HECTD4: variants seen among roughly 807,000 people sequenced by gnomAD.
HECTD4 encodes the protein HECT domain E3 ubiquitin protein ligase 4, also known as probable E3 ubiquitin-protein ligase HECTD4.
In HECTD4, 114 loss-of-function variants were observed where a neutral mutation model predicts 471.5. The observed-to-expected ratio is 0.24, with a 90% CI of 0.21 to 0.28. HECTD4 has a LOEUF of 0.28. Ranked by LOEUF, HECTD4 falls within the 10% of genes least tolerant of loss-of-function variation. The probability of loss-of-function intolerance (pLI) is 1.00; values close to 1 mark genes in which losing one functional copy is unlikely to be tolerated. For synonymous variants in HECTD4, 2,012 were observed against 2,256.0 expected, an observed-to-expected ratio of 0.89 and a Z score of 3.07; for missense variants, 3,866 against 5,651.5, an observed-to-expected ratio of 0.68 and a Z score of 10.13.
chr12:112,372,278 A>C (rs1321246918), intron 1 of HECTD4, among the ~76,000 whole-genome samples: 1 of 151,230 alleles, frequency 6.6e-6, no homozygotes, highest in African/African-American at 2.4e-5. Context: ...TTATTTTTTT[A>C]AGATGGAGTC....
intron 1 of HECTD4, among the ~76,000 whole-genome samples, chr12:112,352,207 A>T (rs1344848233): frequency 6.6e-6 from 1 of 152,186 alleles, no homozygotes; most frequent in Non-Finnish European, 1.5e-5. Context: ...ACATCAGAAG[A>T]ATATGAGTTA....
intron 60 of HECTD4, among the ~76,000 whole-genome samples, chr12:112,187,356 C>T (rs570001180): frequency 1.3e-5 from 2 of 152,204 alleles, no homozygotes; most frequent in South Asian, 2.1e-4. Flanking sequence ...ATTTTTGTGA[C>T]GGCAACTATT....
Position 112,163,187 on chromosome 12 carries a change from G to A in HECTD4, c.12975C>T (p.Phe4325=), listed in dbSNP as rs781352011. The A allele has an allele frequency of 1.7e-5, 28 of 1,613,852 alleles. No individual in the cohort carries two copies. The highest frequency in any genetic ancestry group is 2.3e-5 in the Non-Finnish European group (27 of 1,179,848). Residue 4325 remains phenylalanine, a synonymous_variant, in exon 75 of 76, where the codon TTC becomes TTT. Transcript: ENST00000682272. This position sits in a 1 kb window ranked among gnomAD's most constrained non-coding sequence, Gnocchi z 8.2. ...TGAACTTGCACAGCTCCTCCTGGGT[G>A]AACATCTCCAGGGCCCCCCAGAAGA... ...IEFFWGALEM[F]TQEELCKFIK... is the part of the protein sequence containing the mutation.
chr12:112,269,826 G>A lies in HECTD4; in HGVS notation c.2199C>T (p.Ser733=), dbSNP rs2034376474. 6.2e-7 allele frequency: 1 copy of A among 1,613,724 alleles called. No homozygotes were observed. The highest frequency in any genetic ancestry group is 8.5e-7 in the Non-Finnish European group (1 of 1,179,820). The change falls in exon 13 of 76, where the codon AGC becomes AGT. Residue 733 remains serine (S), a synonymous_variant. Coordinates refer to ENST00000682272, the MANE Select transcript of HECTD4 (RefSeq NM_001388303.1). ...TGTCTCGATTCCTTTCAGTTTGTGG[G>A]CTGAAGAAAAATTTAAATACCACCT... ...VFQVVFKFFF[S]PQTERNRDII...
intron 60 of HECTD4, among the ~76,000 whole-genome samples, chr12:112,186,662 CTTTTT>C (rs778779883): frequency 8.6e-6 from 1 of 116,644 alleles, no homozygotes; most frequent in Non-Finnish European, 1.8e-5. Context: ...TTTTAAGCTG[CTTTTT>C]TTTTTTTTTT....
At chr12:112,346,082 G>A (rs957174105) in intron 1 of HECTD4, among the ~76,000 whole-genome samples, 4 of 152,170 alleles carry the variant, frequency 2.6e-5, no homozygotes, top group African/African-American at 9.7e-5. Context: ...ACAGCATGAG[G>A]TAGCTAAGGA....
intron 7 of HECTD4, chr12:112,301,950 T>C (rs2035175372): frequency 2.3e-6 from 2 of 876,468 alleles, no homozygotes; most frequent in Non-Finnish European, 3.8e-6. Flanking sequence ...GGACCCAAGA[T>C]ATTGCCTCCC....
At chr12:112,279,012 T>C (rs2034582301) in intron 9 of HECTD4, among the ~76,000 whole-genome samples, 1 of 152,252 alleles carries the variant, frequency 6.6e-6, no homozygotes, top group South Asian at 2.1e-4. Flanking sequence ...ATTAATTTTA[T>C]AGGACAATAG....
Position 112,193,011 on chromosome 12 carries a change from AT to A in HECTD4, c.9086+49del. The A allele has an allele frequency of 6.2e-7, 1 of 1,603,154 alleles. No homozygotes were observed. The highest frequency in any genetic ancestry group is 8.5e-7 in the Non-Finnish European group (1 of 1,173,558). On this transcript the variant is annotated intron_variant, in intron 58 of 75. Coordinates refer to ENST00000682272, the MANE Select transcript of HECTD4 (RefSeq NM_001388303.1). The surrounding 1 kb of genome is among the most constrained non-coding windows in gnomAD (Gnocchi z 5.2). ...TCCTTGGCCAGTTTCACCAGAATTC[AT>A]TTAGCTTTCCTCTCCCCATCACCAT...
chr12:112,164,084 GC>G (rs761661183), intron 73 of HECTD4, 24 bp downstream of exon 73: 8 of 1,420,592 alleles, frequency 5.6e-6, no homozygotes, highest in Non-Finnish European at 4.6e-6. Flanking sequence ...GCCCCTGCCA[GC>G]CCCTGACACG....
At chr12:112,369,207 G>A (rs2036622325) in intron 1 of HECTD4, among the ~76,000 whole-genome samples, 1 of 152,198 alleles carries the variant, frequency 6.6e-6, no homozygotes, top group Non-Finnish European at 1.5e-5. Flanking sequence ...ATAAGAGCTG[G>A]ATGGCACTGA....
chr12:112,282,446 A>T (rs2135640925), intron 8 of HECTD4, among the ~76,000 whole-genome samples: 1 of 152,292 alleles, frequency 6.6e-6, no homozygotes, highest in African/African-American at 2.4e-5. Context: ...CAATGTATAT[A>T]GTATACTACC....
rs778274507 is a variant in HECTD4, at chr12:112,208,524, G to A, written c.7974C>T (p.Ser2658=). 1.8e-5 allele frequency: 29 copies of A among 1,602,002 alleles called. No homozygotes were observed. The highest frequency in any genetic ancestry group is 4.5e-5 in the South Asian group (4 of 88,854). Residue 2658 remains serine (S), a synonymous_variant, in exon 51 of 76, where the codon AGC becomes AGT. Coordinates refer to ENST00000682272, the MANE Select transcript of HECTD4 (RefSeq NM_001388303.1). The part of the protein sequence containing the change: ...PHPPPIADDE[S]DDDDDDDIPQ... ...GGATGTCATCATCGTCATCATCATC[G>A]CTTTCATCATCTGCAATGGGAGGCG... is the stretch of plus-strand genomic sequence containing the variant.
chr12:112,324,775 T>C (rs1463650699), intron 1 of HECTD4, among the ~76,000 whole-genome samples: 2 of 152,180 alleles, frequency 1.3e-5, no homozygotes, highest in East Asian at 3.8e-4. Flanking sequence ...AACTGCAAAA[T>C]TTTAACTTTG....
intron 22 of HECTD4, 119 bp downstream of exon 22, chr12:112,253,924 C>T: frequency 9.7e-7 from 1 of 1,030,634 alleles, no homozygotes; most frequent in African/African-American, 1.6e-5. Flanking sequence ...TAAGGTGGCT[C>T]CACCTCAACA....
Position 112,193,849 on chromosome 12 carries a change from G to C in HECTD4, c.8750-175C>G, listed in dbSNP as rs1038611036. Among the ~76,000 whole-genome samples the C allele has an allele frequency of 6.6e-6, 1 of 152,100 alleles. No individual in the cohort carries two copies. The highest frequency in any genetic ancestry group is 1.5e-5 in the Non-Finnish European group (1 of 67,996). ...TCAGATCCTCTGCACCAGGATGGTG[G>C]AGGGGGACCCAGGAGATCAATGGGC... On this transcript the variant is annotated intron_variant, in intron 56 of 75. Coordinates refer to ENST00000682272, the MANE Select transcript of HECTD4 (RefSeq NM_001388303.1). The surrounding 1 kb of genome is among the most constrained non-coding windows in gnomAD (Gnocchi z 5.2).
Position 112,382,281 on chromosome 12 carries a change from G to A in HECTD4, c.-153C>T, listed in dbSNP as rs944891484. On this transcript the variant is annotated 5_prime_UTR_variant, in exon 1 of 76. Coordinates refer to ENST00000682272, the MANE Select transcript of HECTD4 (RefSeq NM_001388303.1). Reference sequence around the variant, plus strand: ...CGCCCGTGCAACTCCGCCCTAGGCGGTCCGAGTCGCCATACCCCCGACCCC... The same window carrying A: ...CGCCCGTGCAACTCCGCCCTAGGCGATCCGAGTCGCCATACCCCCGACCCC... 1.6e-6 allele frequency: 1 copy of A among 644,552 alleles called. No individual in the cohort carries two copies. Among genetic ancestry groups the A allele is most frequent in the Non-Finnish European group, 2.2e-6 (1 of 461,532 alleles). 39.9% of individuals were successfully genotyped at this position (644,552 alleles called of 1,614,324 possible). A position where few individuals can be genotyped will look rare whatever the true frequency, so the allele number is the denominator to read the frequency against.
chr12:112,170,263 G>C (rs2031160894), intron 69 of HECTD4, 70 bp downstream of exon 69: 2 of 1,563,854 alleles, frequency 1.3e-6, no homozygotes, highest in South Asian at 2.3e-5. Context: ...CTTCTTTTAT[G>C]TTCCAGAAAT....
In HECTD4 at chr12:112,184,621, C is replaced by G; in HGVS notation, c.10345G>C (p.Glu3449Gln). 1 of 1,613,896 alleles carries G rather than the reference C, an allele frequency of 6.2e-7. No homozygotes were observed. The highest frequency in any genetic ancestry group is 8.5e-7 in the Non-Finnish European group (1 of 1,179,874). Residue 3449 changes from glutamate (E) to glutamine (Q), a missense_variant, in exon 61 of 76, where the codon GAG (glutamate) becomes CAG (glutamine). Glu to Gln is a conservative substitution (Grantham distance 29). Transcript: ENST00000682272. The surrounding 1 kb of genome is among the most constrained non-coding windows in gnomAD (Gnocchi z 9.1). Reference sequence around the variant, plus strand: ...GGCTCAACTTTCCCGTCCCCGCCCTCGGCCTTGTCTTTTGGCTTCTTGGTG... The same window carrying G: ...GGCTCAACTTTCCCGTCCCCGCCCTGGGCCTTGTCTTTTGGCTTCTTGGTG... ...EDTKKPKDKA[E>Q]GGDGKVEPEK...
Sources: gnomAD v4.1 joint callset for allele counts (sites outside exome capture counted in the v4.1 genomes callset) on GRCh38, gnomAD v4.1.1 for gene constraint, Gnocchi (gnomAD v3.1) non-coding constraint, MANE v1.5 for transcripts, NCBI Gene and HGNC (gene_info 2026-07-23, HGNC 2026-07-21) for gene names.